Variants in PCDH15 observed in about 807,000 individuals in gnomAD.
PCDH15 encodes the protein protocadherin related 15.
In PCDH15, 129 loss-of-function variants were observed where a neutral mutation model predicts 178.5. That is an observed-to-expected ratio of 0.72 (90% CI 0.63 to 0.84). The LOEUF is 0.84. Among genes scored for constraint, PCDH15 ranks in the 40% least tolerant of loss-of-function variants. The probability of loss-of-function intolerance (pLI) is 0.00; values close to 1 mark genes in which losing one functional copy is unlikely to be tolerated. For synonymous variants in PCDH15, 800 were observed against 732.0 expected, an observed-to-expected ratio of 1.09 and a Z score of -1.50; for missense variants, 2,230 against 2,099.9, an observed-to-expected ratio of 1.06 and a Z score of -1.21.
intron 1 of PCDH15, among the ~76,000 whole-genome samples, chr10:55,224,429 T>C (rs1840969200): frequency 1.3e-5 from 2 of 152,082 alleles, no homozygotes; most frequent in Admixed American, 1.3e-4. Context: ...AGGGTCCTTG[T>C]GTGCTTTTGC....
At chr10:54,524,394 T>C (rs1286351751) in intron 3 of PCDH15, among the ~76,000 whole-genome samples, 1 of 152,210 alleles carries the variant, frequency 6.6e-6, no homozygotes, top group Non-Finnish European at 1.5e-5. Flanking sequence ...CTCCTTCTCT[T>C]TACGTAGCAG....
chr10:55,199,373 T>C (rs1840179009), intron 1 of PCDH15, among the ~76,000 whole-genome samples: 2 of 152,082 alleles, frequency 1.3e-5, no homozygotes, highest in Admixed American at 6.5e-5. Flanking sequence ...ATTTAGGGTA[T>C]CTGGCAGAAG....
At chr10:55,363,139 C>T (rs1225902850) in intron 2 of PCDH15, among the ~76,000 whole-genome samples, 1 of 152,126 alleles carries the variant, frequency 6.6e-6, no homozygotes, top group African/African-American at 2.4e-5. Flanking sequence ...TTCGTTTTCA[C>T]TCAGCATAAT....
chr10:53,976,459 A>G (rs2090189491), intron 21 of PCDH15, among the ~76,000 whole-genome samples: 2 of 152,062 alleles, frequency 1.3e-5, no homozygotes, highest in Non-Finnish European at 2.9e-5. Context: ...CCTCCTTCCT[A>G]CCTCAAGCTT....
At chr10:55,064,179 G>T (rs1841505948) in intron 2 of PCDH15, among the ~76,000 whole-genome samples, 2 of 152,076 alleles carry the variant, frequency 1.3e-5, no homozygotes, top group South Asian at 4.1e-4. Context: ...TTCTATTAGA[G>T]ATTATTTTTG....
At chr10:55,550,722 T>C (rs752359193) in intron 2 of PCDH15, among the ~76,000 whole-genome samples, 1 of 152,142 alleles carries the variant, frequency 6.6e-6, no homozygotes, top group Non-Finnish European at 1.5e-5. Context: ...ACATCCACTG[T>C]ATATTTCAAG....
chr10:54,066,239 A>G (rs1428815666), intron 18 of PCDH15, among the ~76,000 whole-genome samples: 1 of 152,240 alleles, frequency 6.6e-6, no homozygotes, highest in Non-Finnish European at 1.5e-5. Flanking sequence ...AATGAACCAC[A>G]GACACCGGCT....
At chr10:55,133,258 C>T (rs1838102813) in intron 2 of PCDH15, among the ~76,000 whole-genome samples, 3 of 152,130 alleles carry the variant, frequency 2.0e-5, no homozygotes, top group African/African-American at 7.2e-5. Context: ...TTTCATGTTG[C>T]TAAATCCAAT....
intron 2 of PCDH15, among the ~76,000 whole-genome samples, chr10:55,581,003 C>A (rs1024661621): frequency 6.6e-6 from 1 of 152,070 alleles, no homozygotes. Context: ...GTTGCTTATC[C>A]AATTCTCTGA....
chr10:53,866,274 T>C (rs1485443060), intron 27 of PCDH15, among the ~76,000 whole-genome samples: 1 of 152,040 alleles, frequency 6.6e-6, no homozygotes, highest in African/African-American at 2.4e-5. Flanking sequence ...TATAACTCTG[T>C]GAAGCATTTA....
chr10:55,031,704 G>A (rs1369247905), intron 2 of PCDH15, among the ~76,000 whole-genome samples: 1 of 152,118 alleles, frequency 6.6e-6, no homozygotes, highest in Non-Finnish European at 1.5e-5. Context: ...TTATAAAAAG[G>A]TTTGACTAAG....
intron 23 of PCDH15, among the ~76,000 whole-genome samples, chr10:53,951,305 A>G (rs372525061): frequency 8.6e-4 from 131 of 152,222 alleles, no homozygotes; most frequent in African/African-American, 3.1e-3. Context: ...ACCCGGACTT[A>G]ATTCATTTCC....
chr10:54,503,264 T>TGTGTGTGTGTGTGAGA (rs35648214), intron 3 of PCDH15, among the ~76,000 whole-genome samples: 25 of 137,370 alleles, frequency 1.8e-4, no homozygotes, highest in East Asian at 6.5e-4. Context: ...TGTGTGTGTG[T>TGTGTGTGTGTGTGAGA]GATTATATAT....
At chr10:55,318,151 C>A (rs1843777908) in intron 1 of PCDH15, among the ~76,000 whole-genome samples, 1 of 151,874 alleles carries the variant, frequency 6.6e-6, no homozygotes, top group Admixed American at 6.6e-5. Flanking sequence ...CATTTTTATA[C>A]CATAGTCATT....
Position 53,806,882 on chromosome 10 carries a change from C to G in PCDH15, c.4920G>C (p.Lys1640Asn). 6.2e-7 allele frequency: 1 copy of G among 1,613,884 alleles called. No individual in the cohort carries two copies. Among genetic ancestry groups the G allele is most frequent in the South Asian group, 1.1e-5 (1 of 91,084 alleles). Residue 1640 changes from lysine (K) to asparagine (N), a missense_variant, in exon 38 of 38, where the codon AAG becomes AAC. Coordinates refer to ENST00000644397, the MANE Select transcript of PCDH15 (RefSeq NM_001384140.1). ...CATTCTCCTCATGTGTCACTGCCAA[C>G]TTGTCTAGTTTCTTAAAGGGCCCTC... ...RLGGPFKKLD[K>N]LAVTHEENVP...
intron 2 of PCDH15, among the ~76,000 whole-genome samples, chr10:54,984,700 G>T (rs1049484402): frequency 6.6e-6 from 1 of 152,028 alleles, no homozygotes; most frequent in African/African-American, 2.4e-5. Flanking sequence ...AATTAGCTGG[G>T]CATGGTACAT....
intron 2 of PCDH15, among the ~76,000 whole-genome samples, chr10:54,540,297 A>C (rs1454665914): frequency 6.6e-6 from 1 of 152,148 alleles, no homozygotes; most frequent in African/African-American, 2.4e-5. Flanking sequence ...GAAGATCCAG[A>C]TAAGCACAAC....
intron 8 of PCDH15, among the ~76,000 whole-genome samples, chr10:54,250,469 G>A (rs1591420721): frequency 1.3e-5 from 2 of 151,160 alleles, no homozygotes; most frequent in South Asian, 2.1e-4. Context: ...ATTTTTAGTA[G>A]AGACAGGGTT....
At chr10:53,892,631 A>G (rs909025839) in intron 26 of PCDH15, among the ~76,000 whole-genome samples, 2 of 151,926 alleles carry the variant, frequency 1.3e-5, no homozygotes, top group African/African-American at 4.8e-5. Flanking sequence ...AAAGAACATA[A>G]CAAGAATGTT....
Sources: allele counts gnomAD v4.1 joint callset (sites outside exome capture counted in the v4.1 genomes callset), GRCh38; gene constraint gnomAD v4.1.1; transcripts MANE v1.5; gene names NCBI Gene and HGNC (gene_info 2026-07-23, HGNC 2026-07-21).